The following FBN1 variants were observed in gnomAD, a reference collection of about 807,000 sequenced individuals.
The protein encoded by FBN1 is fibrillin-1.
A neutral mutation model predicts 365.1 loss-of-function variants in FBN1; 29 were observed. That is an observed-to-expected ratio of 0.08 (90% CI 0.06 to 0.11). The LOEUF is 0.11. Among genes scored for constraint, FBN1 ranks in the 10% least tolerant of loss-of-function variants. The pLI is 1.00. For missense variants in FBN1, 2,476 were observed against 3,703.2 expected (o/e 0.67, Z 8.60); for synonymous variants, 1,210 against 1,270.5 (o/e 0.95, Z 1.01).
chr15:48,503,744 C>T (rs1485370833), intron 17 of FBN1, 43 bp downstream of exon 17: 1 of 1,612,064 alleles, frequency 6.2e-7, no homozygotes, highest in Non-Finnish European at 8.5e-7. Context: ...TCAATGGTGG[C>T]AGAAGGCTGG....
chr15:48,455,544 T>C (rs2043232290), intron 44 of FBN1, among the ~76,000 whole-genome samples: 1 of 152,156 alleles, frequency 6.6e-6, no homozygotes, highest in South Asian at 2.1e-4. Context: ...CACTGTAAGA[T>C]CATCTGCCGT....
At chr15:48,500,217 T>G (rs1421375533) in intron 17 of FBN1, among the ~76,000 whole-genome samples, 1 of 152,210 alleles carries the variant, frequency 6.6e-6, no homozygotes, top group East Asian at 1.9e-4. Context: ...TGAAATACTG[T>G]AAGTAATAAA....
At chr15:48,422,442 T>A (rs1462199694) in intron 60 of FBN1, among the ~76,000 whole-genome samples, 1 of 152,200 alleles carries the variant, frequency 6.6e-6, no homozygotes, top group African/African-American at 2.4e-5. Flanking sequence ...TTTGAAAAGA[T>A]CTATTTAAGT....
chr15:48,578,371 T>C (rs1299493423), intron 6 of FBN1, among the ~76,000 whole-genome samples: 2 of 152,244 alleles, frequency 1.3e-5, no homozygotes, highest in African/African-American at 4.8e-5. Flanking sequence ...GTGGCAATAC[T>C]GTGAACTGGA....
chr15:48,617,782 C>A (rs1889685967), intron 2 of FBN1, among the ~76,000 whole-genome samples: 1 of 152,210 alleles, frequency 6.6e-6, no homozygotes, highest in Non-Finnish European at 1.5e-5. Flanking sequence ...CTGACCACAT[C>A]ATTGCAAGAC....
At chr15:48,478,979 T>C (rs1825031707) in intron 32 of FBN1, among the ~76,000 whole-genome samples, 4 of 152,354 alleles carry the variant, frequency 2.6e-5, no homozygotes, top group South Asian at 4.1e-4. Context: ...TAAAATAGCA[T>C]ACATATTTTC....
In FBN1 at chr15:48,436,637, A is replaced by T. The variant is rs1258130144; in HGVS notation, c.6496+324T>A. On this transcript the variant is annotated intron_variant, in intron 53 of 65. Transcript: ENST00000316623. ...GATTATGACCATTAACAATTTTTAAAAAATTTCACAAAGACTTTCATTATG... is the reference window on the plus strand; with the variant it reads ...GATTATGACCATTAACAATTTTTAATAAATTTCACAAAGACTTTCATTATG... Among the ~76,000 whole-genome samples, 3 of 152,370 alleles carry T rather than the reference A, an allele frequency of 2.0e-5. No homozygotes were observed. In the East Asian group the frequency reaches 5.8e-4, roughly 29 times the overall value.
At chr15:48,643,264 T>C (rs1890231881) in intron 2 of FBN1, 1 of 152,246 alleles carries the variant, frequency 6.6e-6, no homozygotes, top group African/African-American at 2.4e-5. Context: ...AAACATCTGC[T>C]GTCTGATCAA....
intron 2 of FBN1, among the ~76,000 whole-genome samples, chr15:48,621,947 G>A (rs1188491634): frequency 6.6e-6 from 1 of 151,064 alleles, no homozygotes; most frequent in Admixed American, 6.6e-5. Flanking sequence ...GCAGTGAGCC[G>A]AGATTGTGCC....
intron 2 of FBN1, among the ~76,000 whole-genome samples, chr15:48,638,807 C>A (rs751649891): frequency 1.3e-5 from 2 of 152,184 alleles, no homozygotes; most frequent in Non-Finnish European, 2.9e-5. Flanking sequence ...AGAGAGATTT[C>A]TCACAGGGGA....
rs574251387 is a variant in FBN1 at position 48,464,876 on chromosome 15, A to C, written c.4942+692T>G. ...TCCATGGGTCTTAGAGCTGTGCCAT[A>C]TACACTGTGATGTTCAACTAATACT... On this transcript the variant is annotated intron_variant, in intron 40 of 65. Coordinates refer to ENST00000316623, the MANE Select transcript of FBN1 (RefSeq NM_000138.5). Among the ~76,000 whole-genome samples, 380 of 152,306 alleles carry C rather than the reference A, an allele frequency of 2.5e-3. 1 individual carries two copies. Among genetic ancestry groups the C allele is most frequent in the African/African-American group, 8.9e-3 (371 of 41,564 alleles).
At position 48,513,633 on chromosome 15, in the gene FBN1, C is replaced by G. The variant is rs762111810; in HGVS notation, c.1504G>C (p.Gly502Arg). 19 of 1,613,834 alleles carry G rather than the reference C, an allele frequency of 1.2e-5. No individual in the cohort carries two copies. The Admixed American group carries it at 3.0e-4, about 25-fold the overall frequency. The change falls in exon 13 of 66, where the codon GGT (glycine) becomes CGT (arginine). Residue 502 changes from glycine to arginine, a missense_variant. Gly to Arg is a moderately radical substitution (Grantham distance 125). Coordinates refer to ENST00000316623, the MANE Select transcript of FBN1 (RefSeq NM_000138.5). ...GAACCCTGGTTGTTAATACACTCAC[C>G]ACCAGCACAGGGGTTTTTCTCACAT... ...DECEKNPCAG[G>R]ECINNQGSYT...
chr15:48,409,505 C>T lies in FBN1; in HGVS notation c.*1485G>A, dbSNP rs950556890. 5 of 152,084 alleles carry T rather than the reference C, an allele frequency of 3.3e-5. No individual in the cohort carries two copies. The highest frequency in any genetic ancestry group is 1.2e-4 in the African/African-American group (5 of 41,402). 9.4% of individuals were successfully genotyped at this position (152,084 alleles called of 1,614,324 possible). ...GATTTAAAAAATTATTTCATATCGA[C>T]GGATTGAGCCTAACAGCTAAATACT... On this transcript the variant is annotated 3_prime_UTR_variant, in exon 66 of 66. Transcript: ENST00000316623.
At chr15:48,446,201 A>C (rs2043157261) in intron 47 of FBN1, among the ~76,000 whole-genome samples, 1 of 152,128 alleles carries the variant, frequency 6.6e-6, no homozygotes, top group Non-Finnish European at 1.5e-5. Context: ...GTTCCCTCTT[A>C]TCTATGGTTT....
intron 19 of FBN1, 135 bp downstream of exon 19, chr15:48,497,131 G>A: frequency 1.0e-6 from 1 of 957,274 alleles, no homozygotes; most frequent in South Asian, 1.3e-5. Flanking sequence ...ATATGTATAT[G>A]CTGTGCTAAC....
intron 9 of FBN1, among the ~76,000 whole-genome samples, chr15:48,522,155 G>A (rs1312351544): frequency 6.6e-6 from 1 of 152,166 alleles, no homozygotes; most frequent in Non-Finnish European, 1.5e-5. Context: ...ATCACCCTCA[G>A]ATGGGACCAT....
chr15:48,610,900 G>A, intron 3 of FBN1, 74 bp from the exon 4 acceptor site: 3 of 1,282,480 alleles, frequency 2.3e-6, no homozygotes, highest in Non-Finnish European at 3.4e-6. Context: ...ATCCTCAAAT[G>A]AGGAAACCTG....
Position 48,465,662 on chromosome 15 carries a change from C to T in FBN1, c.4848G>A (p.Leu1616=). 3.7e-6 allele frequency: 6 copies of T among 1,614,072 alleles called. No homozygotes were observed. Among genetic ancestry groups the T allele is most frequent in the Non-Finnish European group, 5.1e-6 (6 of 1,179,938 alleles). The change falls in exon 40 of 66, where the codon CTG becomes CTA. Residue 1616 remains leucine (L), a synonymous_variant. Coordinates refer to ENST00000316623, the MANE Select transcript of FBN1 (RefSeq NM_000138.5). ...DIDECQELPG[L]CQGGKCINTF... Reference sequence around the variant, plus strand: ...TGTTGATACATTTTCCTCCTTGGCACAGCCCTGGTAGCTCCTGGCACTCAT... The same window carrying T: ...TGTTGATACATTTTCCTCCTTGGCATAGCCCTGGTAGCTCCTGGCACTCAT...
chr15:48,617,395 G>A (rs529314712), intron 2 of FBN1, among the ~76,000 whole-genome samples: 5 of 151,908 alleles, frequency 3.3e-5, no homozygotes, highest in East Asian at 1.9e-4. Context: ...GGCTGGTCTC[G>A]AACTCCTGAC....
Sources: allele counts gnomAD v4.1 joint callset (sites outside exome capture counted in the v4.1 genomes callset), GRCh38; gene constraint gnomAD v4.1.1; transcripts MANE v1.5; gene names NCBI Gene and HGNC (gene_info 2026-07-23, HGNC 2026-07-21).